Variants in ZC3H7A observed in about 807,000 individuals in gnomAD.
ZC3H7A encodes the protein zinc finger CCCH domain-containing protein 7A.
ZC3H7A carries 44 observed loss-of-function variants against 125.5 expected under a neutral mutation model. The ratio of observed to expected loss-of-function variants is 0.35; its 90% CI spans 0.28 to 0.45. ZC3H7A has a LOEUF of 0.45. Ranked by LOEUF, ZC3H7A falls within the 20% of genes least tolerant of loss-of-function variation. ZC3H7A has a pLI of 1.00. For missense variants in ZC3H7A, 977 were observed against 1,170.7 expected, an observed-to-expected ratio of 0.83 and a Z score of 2.41; for synonymous variants, 399 against 391.2, an observed-to-expected ratio of 1.02 and a Z score of -0.23.
intron 16 of ZC3H7A, 154 bp from the exon 17 acceptor site, chr16:11,762,901 GAAATGGAATATACAC>G: frequency 1.6e-6 from 1 of 632,598 alleles, no homozygotes; most frequent in East Asian, 2.8e-5. Context: ...TCTCTTTTTT[GAAATGGAATATACAC>G]AAATACAGCT....
At chr16:11,758,848 T>G (rs550881402) in intron 19 of ZC3H7A, 2 of 283,590 alleles carry the variant, frequency 7.1e-6, no homozygotes, top group South Asian at 7.2e-5. Flanking sequence ...TGAACATCCC[T>G]GGCCCTCTCA....
At chr16:11,785,574 G>GGAA (rs2053245006) in intron 1 of ZC3H7A, among the ~76,000 whole-genome samples, 1 of 149,378 alleles carries the variant, frequency 6.7e-6, no homozygotes, top group Non-Finnish European at 1.5e-5. Context: ...AGAAATTATA[G>GGAA]GAAAAAAAAA....
intron 17 of ZC3H7A, 49 bp downstream of exon 17, chr16:11,762,622 C>T (rs2052771236): frequency 5.7e-6 from 9 of 1,567,476 alleles, no homozygotes; most frequent in Non-Finnish European, 7.0e-6. Context: ...ATCTATTACG[C>T]AATTCCAGAA....
In ZC3H7A at chr16:11,765,531, T is replaced by G; in HGVS notation, c.1677A>C (p.Lys559Asn). Residue 559 changes from lysine to asparagine, a missense_variant, in exon 14 of 23, where the codon AAA (lysine) becomes AAC (asparagine). By Grantham distance (94) the Lys-to-Asn change is moderately conservative. Coordinates refer to ENST00000355758, the MANE Select transcript of ZC3H7A (RefSeq NM_014153.4). This position sits in a 1 kb window ranked among gnomAD's most constrained non-coding sequence, Gnocchi z 4.8. Reference protein sequence around the residue: ...GNGKINLTVFKLLQEHLGEFI... With the variant: ...GNGKINLTVFNLLQEHLGEFI... ...ATTCCCCAAGATGCTCCTGGAGAAG[T>G]TTGAACACAGTAAGGTTAATCTTTC... 6.2e-7 allele frequency: 1 copy of G among 1,613,902 alleles called. No homozygotes were observed. The highest frequency in any genetic ancestry group is 8.5e-7 in the Non-Finnish European group (1 of 1,179,908).
In ZC3H7A at chr16:11,779,209, A is replaced by G; in HGVS notation, c.263T>C (p.Ile88Thr). The change falls in exon 4 of 23, where the codon ATT becomes ACT. Residue 88 changes from isoleucine (I) to threonine (T), a missense_variant. Around this residue, in one of 3 missense-constraint regions of ZC3H7A, gnomAD observed 199 missense variants for 256.1 expected, o/e 0.78. Transcript: ENST00000355758. ...AATACGATTTATATATAGTTTTTCA[A>G]TTATTTCTTTGGGGATTAAAATTTC... ...SEEILIPKEI[I>T]EKLYINRIAC... is the part of the protein sequence containing the mutation. 6.2e-7 allele frequency: 1 copy of G among 1,609,722 alleles called. No homozygotes were observed. The highest frequency in any genetic ancestry group is 8.5e-7 in the Non-Finnish European group (1 of 1,176,484).
At position 11,786,314 on chromosome 16, in the gene ZC3H7A, A is replaced by C. The variant is rs74772275; in HGVS notation, c.-34-3926T>G. Among the ~76,000 whole-genome samples the C allele has an allele frequency of 1.7e-3, 256 of 152,314 alleles. 5 individuals are homozygous for C. Among genetic ancestry groups the C allele is most frequent in the Admixed American group, 0.014 (217 of 15,298 alleles). ...AGCAGTCAGGCCAGAGGGAGGGAAC[A>C]AAAGAAAAGGATGTCTGAAACCAGG... On this transcript the variant is annotated intron_variant, in intron 1 of 22. Coordinates refer to ENST00000355758, the MANE Select transcript of ZC3H7A (RefSeq NM_014153.4).
chr16:11,794,712 C>T (rs1417548996), intron 1 of ZC3H7A, among the ~76,000 whole-genome samples: 1 of 152,188 alleles, frequency 6.6e-6, no homozygotes, highest in East Asian at 1.9e-4. Flanking sequence ...TTCCAACAGT[C>T]ACTCTCACCA....
chr16:11,785,400 G>A (rs1209531346), intron 1 of ZC3H7A, among the ~76,000 whole-genome samples: 1 of 151,898 alleles, frequency 6.6e-6, no homozygotes, highest in African/African-American at 2.4e-5. Context: ...CAGCTACTCA[G>A]ATGATGGAGG....
intron 10 of ZC3H7A, 67 bp downstream of exon 10, chr16:11,770,716 G>A: frequency 1.4e-6 from 2 of 1,423,442 alleles, no homozygotes; most frequent in East Asian, 2.3e-5. Flanking sequence ...TTAAATAATT[G>A]CCAAACAAAC....
chr16:11,771,039 G>C (rs2052971666), intron 9 of ZC3H7A, 52 bp from the exon 10 acceptor site: 1 of 1,525,352 alleles, frequency 6.6e-7, no homozygotes, highest in Admixed American at 2.0e-5. Flanking sequence ...TCATGGGTTT[G>C]GCTGAACTAC....
At position 11,763,710 on chromosome 16, in the gene ZC3H7A, AATATATATATATATAT is replaced by A. The variant is rs55932357; in HGVS notation, c.1821-67_1821-52del. 2.0e-3 allele frequency: 465 copies of A among 228,948 alleles called. 5 individuals are homozygous for A. Among genetic ancestry groups the A allele is most frequent in the African/African-American group, 9.5e-3 (281 of 29,560 alleles). The allele number at this position is 228,948 out of a possible 1,614,324, so 14.2% of individuals were successfully genotyped here. On this transcript the variant is annotated intron_variant, in intron 15 of 22. Coordinates refer to ENST00000355758, the MANE Select transcript of ZC3H7A (RefSeq NM_014153.4). ...ATATTGTTCTGCCATAGATTTTTCAAATATATATATATATATATATATATATATATATATATATATA... is the reference window on the plus strand; with the variant it reads ...ATATTGTTCTGCCATAGATTTTTCAAATATATATATATATATATATATATA...
chr16:11,772,700 C>CTT (rs397856219), intron 9 of ZC3H7A, among the ~76,000 whole-genome samples: 16 of 141,614 alleles, frequency 1.1e-4, no homozygotes, highest in South Asian at 4.5e-4. Context: ...TCAGAGAAGT[C>CTT]TTTTTTTTTT....
chr16:11,762,878 T>A, intron 16 of ZC3H7A, 131 bp from the exon 17 acceptor site: 1 of 739,824 alleles, frequency 1.4e-6, no homozygotes, highest in Non-Finnish European at 2.2e-6. Flanking sequence ...TCAGCAAGGA[T>A]GAATACCACG....
At chr16:11,780,237 T>C (rs960096880) in intron 3 of ZC3H7A, among the ~76,000 whole-genome samples, 5 of 151,870 alleles carry the variant, frequency 3.3e-5, no homozygotes, top group Non-Finnish European at 7.4e-5. Flanking sequence ...TCTCGTGTCT[T>C]AGCCTCCCGA....
chr16:11,774,405 A>G lies in ZC3H7A; in HGVS notation c.734T>C (p.Ile245Thr). The change falls in exon 9 of 23, where the codon ATT (isoleucine) becomes ACT (threonine). Residue 245 changes from isoleucine (I) to threonine (T), a missense_variant. Coordinates refer to ENST00000355758, the MANE Select transcript of ZC3H7A (RefSeq NM_014153.4). ...ASVPVMPLTS[I>T]LPLQVEESAL... ...GCTCTCTTCCACTTGTAGTGGCAAAATAGAAGTTAAGGGCATAACAGGAAC... is the reference window on the plus strand; with the variant it reads ...GCTCTCTTCCACTTGTAGTGGCAAAGTAGAAGTTAAGGGCATAACAGGAAC... 6.2e-7 allele frequency: 1 copy of G among 1,613,572 alleles called. No homozygotes were observed. The highest frequency in any genetic ancestry group is 1.7e-4 in the Middle Eastern group (1 of 6,060).
At position 11,768,374 on chromosome 16, in the gene ZC3H7A, T is replaced by A. The variant is rs753277866; in HGVS notation, c.1301A>T (p.His434Leu). Residue 434 changes from histidine (H) to leucine (L), a missense_variant, in exon 12 of 23, where the codon CAT becomes CTT. Transcript: ENST00000355758. ...CAATTCATGGGTTCCTTCGAGGGGA[T>A]GTCTTGGAGTCACTGATGAAGATGG... Reference protein sequence around the residue: ...TKPSSSVTPRHPLEGTHELRQ... With the variant: ...TKPSSSVTPRLPLEGTHELRQ... 13 of 1,590,132 alleles carry A rather than the reference T, an allele frequency of 8.2e-6. No individual in the cohort carries two copies. The highest frequency in any genetic ancestry group is 1.7e-5 in the Admixed American group (1 of 59,266).
At chr16:11,754,107 A>G (rs975630114) in intron 21 of ZC3H7A, among the ~76,000 whole-genome samples, 2 of 151,652 alleles carry the variant, frequency 1.3e-5, no homozygotes, top group Non-Finnish European at 2.9e-5. Flanking sequence ...CGTGGGCAAC[A>G]TGGCAAAATC....
chr16:11,751,307 A>G lies in ZC3H7A; in HGVS notation c.*10T>C, dbSNP rs779022971. The G allele has an allele frequency of 1.2e-6, 2 of 1,606,790 alleles. No individual in the cohort carries two copies. Among genetic ancestry groups the G allele is most frequent in the African/African-American group, 2.7e-5 (2 of 74,624 alleles). On this transcript the variant is annotated 3_prime_UTR_variant, in exon 23 of 23. Coordinates refer to ENST00000355758, the MANE Select transcript of ZC3H7A (RefSeq NM_014153.4). Reference sequence around the variant, plus strand: ...GCTCTGATTAGGTATCATACATAAAAGCCAGCATATTAGTTTAAATCTTTA... The same window carrying G: ...GCTCTGATTAGGTATCATACATAAAGGCCAGCATATTAGTTTAAATCTTTA...
chr16:11,782,288 G>C lies in ZC3H7A; in HGVS notation c.67C>G (p.Gln23Glu). The C allele has an allele frequency of 6.2e-7, 1 of 1,614,130 alleles. No individual in the cohort carries two copies. Among genetic ancestry groups the C allele is most frequent in the Non-Finnish European group, 8.5e-7 (1 of 1,180,006 alleles). Residue 23 changes from glutamine (Q) to glutamate (E), a missense_variant and splice_region_variant, in exon 2 of 23, where the codon CAG (glutamine) becomes GAG (glutamate). Gln to Glu is a conservative substitution (Grantham distance 29). Coordinates refer to ENST00000355758, the MANE Select transcript of ZC3H7A (RefSeq NM_014153.4). ...QNIKEGLQFIQSPLSYPGTQE... is the reference protein window; with the variant it reads ...QNIKEGLQFIESPLSYPGTQE... ...ACACAAGAACTCTGAAGCTCTTACT[G>C]TATAAACTGCAGTCCTTCCTTAATG...
Sources: allele counts gnomAD v4.1 joint callset (sites outside exome capture counted in the v4.1 genomes callset), GRCh38; gene constraint gnomAD v4.1.1; regional missense constraint gnomAD v4.1.1; non-coding constraint Gnocchi (gnomAD v3.1); transcripts MANE v1.5; gene names NCBI Gene and HGNC (gene_info 2026-07-23, HGNC 2026-07-21).